The following CARD9 variants were observed in gnomAD, a reference collection of about 807,000 sequenced individuals.
The protein encoded by CARD9 is caspase recruitment domain-containing protein 9.
In CARD9, 53 loss-of-function variants were observed where a neutral mutation model predicts 66.0. The ratio of observed to expected loss-of-function variants is 0.80; its 90% CI spans 0.64 to 1.01. CARD9 has a LOEUF of 1.01. CARD9 is among the 50% of genes least tolerant of loss of function. CARD9 has a pLI of 0.00. For synonymous variants in CARD9, 387 were observed against 313.8 expected (o/e 1.23, Z -2.47); for missense variants, 769 against 743.2 (o/e 1.03, Z -0.40).
intron 3 of CARD9, 38 bp downstream of exon 3, chr9:136,371,286 G>A (rs1292853715): frequency 4.4e-6 from 7 of 1,585,628 alleles, no homozygotes; most frequent in Non-Finnish European, 6.0e-6. Flanking sequence ...CTCCCCGCCA[G>A]CGCCTCCCCT....
Position 136,371,585 on chromosome 9 carries a change from C to T in CARD9, c.185-124G>A. On this transcript the variant is annotated intron_variant, in intron 2 of 12. Transcript: ENST00000371732. ...AGATGAGGTGTGCCGTGGTCTGGGT[C>T]TTGGATGAGGTACCCTGCGGGTCTT... 3 of 1,422,016 alleles carry T rather than the reference C, an allele frequency of 2.1e-6. No individual in the cohort carries two copies. In the South Asian group the frequency reaches 4.0e-5, roughly 19 times the overall value. 88.1% of individuals were successfully genotyped at this position (1,422,016 alleles called of 1,614,324 possible).
chr9:136,371,929 G>T lies in CARD9; in HGVS notation c.150C>A (p.Ser50Arg), dbSNP rs149255047. The T allele has an allele frequency of 1.6e-5, 26 of 1,607,436 alleles. No homozygotes were observed. The South Asian group carries it at 2.9e-4, about 18-fold the overall frequency. The change falls in exon 2 of 13, where the codon AGC (serine) becomes AGA (arginine). Residue 50 changes from serine to arginine, a missense_variant. Physicochemically the swap from Ser to Arg is moderately radical, Grantham distance 110 (BLOSUM62 -1). Transcript: ENST00000371732. ...LNPDDEEQVL[S>R]DPNLVIRKRK... ...GTTTGCGGATGACCAGGTTGGGGTC[G>T]CTGAGCACCTGCTCCTCATCATCGG...
intron 10 of CARD9, 84 bp downstream of exon 10, chr9:136,366,716 T>G: frequency 6.9e-7 from 1 of 1,442,728 alleles, no homozygotes; most frequent in South Asian, 1.1e-5. Context: ...ACACAGGCAT[T>G]GCGGCACGGG....
At chr9:136,364,709 G>A in intron 11 of CARD9, 150 bp from the exon 12 acceptor site, 3 of 755,270 alleles carry the variant, frequency 4.0e-6, no homozygotes, top group South Asian at 1.8e-5. Flanking sequence ...CTCCCTGTGG[G>A]ACCTGCCTGT....
In CARD9 at chr9:136,367,706, G is replaced by A; in HGVS notation, c.1200C>T (p.Phe400=). ...CGGCCAGTAGCTGCGCCTCACACTG[G>A]AACACCTGCAGCTGCAGCTCATCCG... The part of the protein sequence containing the change: ...EKADELQLQV[F]QCEAQLLAVE... The change falls in exon 8 of 13, where the codon TTC becomes TTT. Residue 400 remains phenylalanine (F), a synonymous_variant. Transcript: ENST00000371732. The A allele has an allele frequency of 6.2e-7, 1 of 1,603,758 alleles. No homozygotes were observed. Among genetic ancestry groups the A allele is most frequent in the Non-Finnish European group, 8.5e-7 (1 of 1,179,078 alleles).
rs775128842 is a variant in CARD9 at position 136,372,069 on chromosome 9, A to G, written c.10T>C (p.Tyr4His). The G allele has an allele frequency of 3.1e-6, 5 of 1,612,596 alleles. No homozygotes were observed. In the Middle Eastern group the frequency reaches 6.6e-4, roughly 213 times the overall value. Reference protein sequence around the residue: MSDYENDDECWSVL... With the variant: MSDHENDDECWSVL... ...CTCCAGCACTCGTCATCGTTCTCGT[A>G]GTCCGACATGGCCTCAGCAGGCAGG... Residue 4 changes from tyrosine (Y) to histidine (H), a missense_variant, in exon 2 of 13, where the codon TAC becomes CAC. By Grantham distance (83) the Tyr-to-His change is moderately conservative (BLOSUM62 2). Transcript: ENST00000371732.
rs774424748 is a variant in CARD9, at chr9:136,370,877, G to A, written c.591C>T (p.Gly197=). The A allele has an allele frequency of 1.7e-5, 27 of 1,605,252 alleles. No homozygotes were observed. The highest frequency in any genetic ancestry group is 1.7e-4 in the Middle Eastern group (1 of 5,996). Residue 197 remains glycine (G), a synonymous_variant, in exon 4 of 13, where the codon GGC becomes GGT. Coordinates refer to ENST00000371732, the MANE Select transcript of CARD9 (RefSeq NM_052813.5). ...GGTCACGGTTCCGCATGAGCGCGGC[G>A]CCCTTCTCCTCACTCTGGTGCGCCA... ...MRLAHQSEEK[G]AALMRNRDLQ...
intron 11 of CARD9, 112 bp downstream of exon 11, chr9:136,365,029 C>T: frequency 2.0e-6 from 2 of 1,008,068 alleles, no homozygotes; most frequent in Non-Finnish European, 3.0e-6. Context: ...GGTCACTCCT[C>T]AGCTGTCGTC....
chr9:136,371,526 G>GGGGGC, intron 2 of CARD9, 65 bp from the exon 3 acceptor site: 17 of 516,016 alleles, frequency 3.3e-5, no homozygotes, highest in Non-Finnish European at 5.5e-5. Context: ...GGGTGGGTGG[G>GGGGGC]CCTGGGGGCA....
chr9:136,370,462 C>T lies in CARD9; in HGVS notation c.808-25G>A, dbSNP rs1468757799. The T allele has an allele frequency of 5.0e-6, 8 of 1,607,470 alleles. 1 individual carries two copies. The Middle Eastern group carries it at 9.9e-4, about 199-fold the overall frequency. On this transcript the variant is annotated intron_variant, in intron 5 of 12. Coordinates refer to ENST00000371732, the MANE Select transcript of CARD9 (RefSeq NM_052813.5). ...CCTGAAGGGGGCAAAAGGCAATGGC[C>T]TGGCTGGGAAGGCCCCCACTGCCCT...
chr9:136,370,774 G>T (rs766360861), intron 4 of CARD9, 67 bp downstream of exon 4: 2 of 1,605,236 alleles, frequency 1.2e-6, no homozygotes, highest in Admixed American at 1.7e-5. Context: ...ACCCCCGACC[G>T]CCCCGGCCTG....
At chr9:136,365,042 G>T in intron 11 of CARD9, 99 bp downstream of exon 11, 1 of 1,184,234 alleles carries the variant, frequency 8.4e-7, no homozygotes, top group Non-Finnish European at 1.2e-6. Flanking sequence ...CTGTCGTCGG[G>T]GCCACCGCAG....
In CARD9 at chr9:136,369,883, G is replaced by C; in HGVS notation, c.952-8C>G. ...CTCCTTCTCCTCCATGCACTGCAGGGGGCGGCAGCTCAGCCCCCACAGGCC... is the reference window on the plus strand; with the variant it reads ...CTCCTTCTCCTCCATGCACTGCAGGCGGCGGCAGCTCAGCCCCCACAGGCC... On this transcript the variant is annotated splice_polypyrimidine_tract_variant and splice_region_variant and intron_variant, in intron 6 of 12. Coordinates refer to ENST00000371732, the MANE Select transcript of CARD9 (RefSeq NM_052813.5). 6.2e-7 allele frequency: 1 copy of C among 1,611,348 alleles called. No homozygotes were observed. The highest frequency in any genetic ancestry group is 2.2e-5 in the East Asian group (1 of 44,888).
chr9:136,364,423 G>C, intron 12 of CARD9, 22 bp from the exon 13 acceptor site: 4 of 1,542,784 alleles, frequency 2.6e-6, no homozygotes, highest in Non-Finnish European at 3.5e-6. Context: ...GGTGTCTCAG[G>C]CGCGACCCGG....
At position 136,367,267 on chromosome 9, in the gene CARD9, T is replaced by C. The variant is rs1354583482; in HGVS notation, c.1270-10A>G. The C allele has an allele frequency of 1.2e-6, 2 of 1,612,450 alleles. No homozygotes were observed. The highest frequency in any genetic ancestry group is 1.7e-6 in the Non-Finnish European group (2 of 1,179,732). On this transcript the variant is annotated splice_polypyrimidine_tract_variant and intron_variant, in intron 8 of 12. Transcript: ENST00000371732. ...CTTCCAGGTCGGAGCTCTGTGGTCA[T>C]AGAAAATGGGGTGGGTGGGCTGTGA...
At chr9:136,371,540 A>G (rs1833274206) in intron 2 of CARD9, 79 bp from the exon 3 acceptor site, 1 of 1,517,792 alleles carries the variant, frequency 6.6e-7, no homozygotes, top group Non-Finnish European at 8.9e-7. Flanking sequence ...GGGGGCAGGG[A>G]CAGGTGGAGG....
chr9:136,367,289 G>A (rs1391612513), intron 8 of CARD9, 32 bp from the exon 9 acceptor site: 3 of 1,609,812 alleles, frequency 1.9e-6, no homozygotes, highest in Middle Eastern at 1.6e-4. Flanking sequence ...TGGGTGGGCT[G>A]TGAGGGCAGA....
chr9:136,370,292 AC>A lies in CARD9; in HGVS notation c.951+1del. The A allele has an allele frequency of 6.2e-7, 1 of 1,600,744 alleles. No homozygotes were observed. Among genetic ancestry groups the A allele is most frequent in the Non-Finnish European group, 8.5e-7 (1 of 1,178,370 alleles). On this transcript the variant is annotated splice_donor_variant, in intron 6 of 12. Transcript: ENST00000371732. LOFTEE classifies it high-confidence loss of function. ...GCCATGTCTCCCCGCCTGCCCTCCT[AC>A]CCGGAGGCGTCGGGCCTCGCCCTGG...
chr9:136,367,245 C>G lies in CARD9; in HGVS notation c.1282G>C (p.Glu428Gln). The G allele has an allele frequency of 6.2e-7, 1 of 1,612,918 alleles. No homozygotes were observed. The highest frequency in any genetic ancestry group is 1.1e-5 in the South Asian group (1 of 90,982). Reference protein sequence around the residue: ...LETLVLSSDLEDGSPRRSQEL... With the variant: ...LETLVLSSDLQDGSPRRSQEL... ...TGGGACCTCCTGGGTGAGCCATCTT[C>G]CAGGTCGGAGCTCTGTGGTCATAGA... The change falls in exon 9 of 13, where the codon GAA (glutamate) becomes CAA (glutamine). Residue 428 changes from glutamate (E) to glutamine (Q), a missense_variant. Physicochemically the swap from Glu to Gln is conservative, Grantham distance 29 (BLOSUM62 2). Coordinates refer to ENST00000371732, the MANE Select transcript of CARD9 (RefSeq NM_052813.5).
Sources: gnomAD v4.1 joint callset for allele counts on GRCh38, gnomAD v4.1.1 for gene constraint, MANE v1.5 for transcripts, NCBI Gene and HGNC (gene_info 2026-07-23, HGNC 2026-07-21) for gene names.